Variants in MYOF observed in about 807,000 individuals in gnomAD.
MYOF encodes fer-1-like 3, myoferlin.
In MYOF, 244 loss-of-function variants were observed where a neutral mutation model predicts 284.2. The observed-to-expected ratio is 0.86, with a 90% CI of 0.77 to 0.95. The LOEUF is 0.95. Ranked by LOEUF, MYOF falls within the 40% of genes least tolerant of loss-of-function variation. The pLI is 0.00. For missense variants in MYOF, 2,496 were observed against 2,560.6 expected (o/e 0.97, Z 0.54); for synonymous variants, 904 against 919.7 (o/e 0.98, Z 0.31).
At chr10:93,351,911 G>GT in intron 32 of MYOF, 65 bp from the exon 33 acceptor site, 1 of 1,389,132 alleles carries the variant, frequency 7.2e-7, no homozygotes, top group Non-Finnish European at 9.7e-7. Context: ...GAACCACTCA[G>GT]TGCAACCATA....
At chr10:93,328,231 T>G (rs1843140897) in intron 45 of MYOF, among the ~76,000 whole-genome samples, 1 of 152,178 alleles carries the variant, frequency 6.6e-6, no homozygotes, top group South Asian at 2.1e-4. Flanking sequence ...ACAGTTCGCA[T>G]GCTCTATGAT....
intron 1 of MYOF, among the ~76,000 whole-genome samples, chr10:93,473,251 T>C (rs930756025): frequency 1.3e-5 from 2 of 152,222 alleles, no homozygotes. Flanking sequence ...GCAGAGTTCA[T>C]ACTCTAGGCC....
chr10:93,369,624 T>C, intron 25 of MYOF, 21 bp downstream of exon 25: 4 of 1,613,518 alleles, frequency 2.5e-6, no homozygotes, highest in Non-Finnish European at 3.4e-6. Flanking sequence ...GAAGAAAAGA[T>C]AGTGAAATCA....
At chr10:93,429,731 G>T (rs17481171) in intron 4 of MYOF, among the ~76,000 whole-genome samples, 19,853 of 151,996 alleles carry the variant, frequency 0.13, 1,354 homozygotes, top group Middle Eastern at 0.2. Flanking sequence ...CTCTCCCTTT[G>T]CCCAGGCTCC....
intron 53 of MYOF, 38 bp from the exon 54 acceptor site, chr10:93,307,039 A>G (rs1030915545): frequency 6.5e-7 from 1 of 1,549,934 alleles, no homozygotes; most frequent in Non-Finnish European, 8.8e-7. Flanking sequence ...AAAAACATGT[A>G]TGTATATATG....
chr10:93,427,339 TGGCCAACACA>T (rs1848640205), intron 4 of MYOF, among the ~76,000 whole-genome samples: 1 of 151,530 alleles, frequency 6.6e-6, no homozygotes, highest in Non-Finnish European at 1.5e-5. Flanking sequence ...GAGACCAGCT[TGGCCAACACA>T]GTAAAACCCC....
Position 93,356,724 on chromosome 10 carries a change from G to A in MYOF, c.3245C>T (p.Pro1082Leu). The A allele has an allele frequency of 6.2e-7, 1 of 1,614,134 alleles. No individual in the cohort carries two copies. The highest frequency in any genetic ancestry group is 8.5e-7 in the Non-Finnish European group (1 of 1,180,012). Reference protein sequence around the residue: ...RRRRWRRKMAPSETHGAAAIF... With the variant: ...RRRRWRRKMALSETHGAAAIF... ...GGCAGCTGCACCATGTGTTTCTGAAGGAGCCATTTTTCTCCTCCAGCGTCT... is the reference window on the plus strand; with the variant it reads ...GGCAGCTGCACCATGTGTTTCTGAAAGAGCCATTTTTCTCCTCCAGCGTCT... The change falls in exon 30 of 54, where the codon CCT (proline) becomes CTT (leucine). Residue 1082 changes from proline (P) to leucine (L), a missense_variant. Pro to Leu is a moderately conservative substitution (Grantham distance 98). Transcript: ENST00000359263.
chr10:93,480,430 T>C, intron 1 of MYOF, among the ~76,000 whole-genome samples: 1 of 151,148 alleles, frequency 6.6e-6, no homozygotes, highest in Admixed American at 6.6e-5. Flanking sequence ...ATTTTTGCCC[T>C]TTAGATTTTT....
chr10:93,339,161 T>C, intron 39 of MYOF, among the ~76,000 whole-genome samples: 1 of 151,756 alleles, frequency 6.6e-6, no homozygotes, highest in Admixed American at 6.6e-5. Context: ...TACAGGCATG[T>C]GCCACCATAC....
intron 18 of MYOF, among the ~76,000 whole-genome samples, chr10:93,388,223 G>A (rs12783792): frequency 3.8e-4 from 57 of 151,926 alleles, no homozygotes; most frequent in African/African-American, 1.0e-3. Flanking sequence ...GCTGGGAGGT[G>A]GGGGGTGGGG....
At position 93,442,074 on chromosome 10, in the gene MYOF, AAG is replaced by A. The variant is rs1483009877; in HGVS notation, c.236+9974_236+9975del. ...ACCTTGGAAAGTCTGGGCTCTGTGT[AAG>A]AGGATTTTAACATACCTATGTAAAA... On this transcript the variant is annotated intron_variant, in intron 3 of 53. Transcript: ENST00000359263. 2.0e-5 allele frequency among the ~76,000 whole-genome samples: 3 copies of A among 150,048 alleles called. No homozygotes were observed. The Admixed American group carries it at 2.0e-4, about 10-fold the overall frequency.
chr10:93,414,332 T>C (rs1437166356), intron 5 of MYOF, among the ~76,000 whole-genome samples: 1 of 151,038 alleles, frequency 6.6e-6, no homozygotes, highest in East Asian at 2.0e-4. Flanking sequence ...AGGCCAGGAG[T>C]TCAAGACCAG....
intron 1 of MYOF, among the ~76,000 whole-genome samples, chr10:93,459,656 T>C (rs1489091806): frequency 1.3e-5 from 2 of 151,648 alleles, no homozygotes; most frequent in Non-Finnish European, 3.0e-5. Context: ...ATGTAACACA[T>C]GTGATGGGCT....
At position 93,422,357 on chromosome 10, in the gene MYOF, T is replaced by C. The variant is rs150273635; in HGVS notation, c.433+3714A>G. ...TGCAGTTCCCTGGTGCTGAGCCCGCTGTGAGCCAGACTCCTAAGGGGATGG... is the reference window on the plus strand; with the variant it reads ...TGCAGTTCCCTGGTGCTGAGCCCGCCGTGAGCCAGACTCCTAAGGGGATGG... On this transcript the variant is annotated intron_variant, in intron 5 of 53. Coordinates refer to ENST00000359263, the MANE Select transcript of MYOF (RefSeq NM_013451.4). 6.7e-3 allele frequency among the ~76,000 whole-genome samples: 1,022 copies of C among 152,330 alleles called. 11 individuals are homozygous for C. The highest frequency in any genetic ancestry group is 0.024 in the African/African-American group (980 of 41,566).
chr10:93,359,763 A>G, intron 29 of MYOF, 70 bp downstream of exon 29: 2 of 1,585,848 alleles, frequency 1.3e-6, no homozygotes, highest in Non-Finnish European at 8.6e-7. Context: ...AGAAATGGCT[A>G]GTTAGCTGGG....
chr10:93,464,751 G>A (rs902374621), intron 1 of MYOF, among the ~76,000 whole-genome samples: 2 of 152,122 alleles, frequency 1.3e-5, no homozygotes, highest in African/African-American at 2.4e-5. Flanking sequence ...GTGTCTTTCT[G>A]AAATGGCCTC....
chr10:93,440,549 T>TA (rs1227374049), intron 3 of MYOF, among the ~76,000 whole-genome samples: 12 of 152,312 alleles, frequency 7.9e-5, no homozygotes, highest in African/African-American at 2.9e-4. Context: ...TGTTATGTCA[T>TA]ATGTGTATTT....
chr10:93,436,452 G>T (rs965704442), intron 3 of MYOF, among the ~76,000 whole-genome samples: 1 of 151,364 alleles, frequency 6.6e-6, no homozygotes, highest in Admixed American at 6.7e-5. Context: ...TTGTAGGGGG[G>T]ACACATAAAA....
At chr10:93,408,958 C>T (rs12243458) in intron 6 of MYOF, 43 bp from the exon 7 acceptor site, 77,857 of 1,611,306 alleles carry the variant, frequency 0.048, 2,383 homozygotes, top group African/African-American at 0.14. Context: ...TTTCCCAGCA[C>T]GTGGGATCCT....
Sources: allele counts gnomAD v4.1 joint callset (sites outside exome capture counted in the v4.1 genomes callset), GRCh38; gene constraint gnomAD v4.1.1; transcripts MANE v1.5; gene names NCBI Gene and HGNC (gene_info 2026-07-23, HGNC 2026-07-21).